Variants in DSN1 observed in about 807,000 individuals in gnomAD.
DSN1 encodes the protein kinetochore-associated protein DSN1 homolog.
In DSN1, 31 loss-of-function variants were observed where a neutral mutation model predicts 45.7. The observed-to-expected ratio is 0.68, with a 90% CI of 0.51 to 0.92. The LOEUF (loss-of-function observed/expected upper bound fraction) is 0.92. Among genes scored for constraint, DSN1 ranks in the 40% least tolerant of loss-of-function variants. DSN1 has a pLI of 0.00. For missense variants in DSN1, 394 were observed against 414.2 expected, an observed-to-expected ratio of 0.95 and a Z score of 0.42; for synonymous variants, 134 against 142.3, an observed-to-expected ratio of 0.94 and a Z score of 0.41.
Position 36,773,755 on chromosome 20 carries a change from G to A in DSN1, c.-109C>T. On this transcript the variant is annotated 5_prime_UTR_variant, in exon 1 of 11. Transcript: ENST00000373750. ...GCCGATACTCCCTGATCAGGGTGAAGCGGTCTCCACCTTCTACGTCACGGT... is the reference window on the plus strand; with the variant it reads ...GCCGATACTCCCTGATCAGGGTGAAACGGTCTCCACCTTCTACGTCACGGT... The A allele has an allele frequency of 2.0e-6, 2 of 985,522 alleles. No homozygotes were observed. Among genetic ancestry groups the A allele is most frequent in the Non-Finnish European group, 2.4e-6 (2 of 829,986 alleles). 61.0% of individuals were successfully genotyped at this position (985,522 alleles called of 1,614,324 possible).
In DSN1 at chr20:36,755,265, C is replaced by T. The variant is rs556929489; in HGVS notation, c.874-415G>A. Among the ~76,000 whole-genome samples the T allele has an allele frequency of 4.3e-3, 656 of 152,214 alleles. 3 individuals are homozygous for T. The highest frequency in any genetic ancestry group is 6.4e-3 in the Non-Finnish European group (435 of 68,014). The stretch of plus-strand genomic sequence containing the variant: ...CCCTTGTGGTTCTCCAATACCCATA[C>T]CTTTCTATTTAGCCTTTCTGAAAAT... On this transcript the variant is annotated intron_variant, in intron 9 of 10. Coordinates refer to ENST00000373750, the MANE Select transcript of DSN1 (RefSeq NM_001145315.2).
At chr20:36,765,365 G>A (rs1285626007) in intron 5 of DSN1, among the ~76,000 whole-genome samples, 1 of 151,156 alleles carries the variant, frequency 6.6e-6, no homozygotes, top group Non-Finnish European at 1.5e-5. Flanking sequence ...AGACCAGCCT[G>A]ACCAACATGG....
chr20:36,767,344 A>G (rs1987401034), intron 4 of DSN1, among the ~76,000 whole-genome samples: 2 of 151,776 alleles, frequency 1.3e-5, no homozygotes, highest in Admixed American at 1.3e-4. Context: ...AAAACAAAAG[A>G]CTTTTTGTTG....
At position 36,771,162 on chromosome 20, in the gene DSN1, A is replaced by T; in HGVS notation, c.66T>A (p.Asp22Glu). The change falls in exon 3 of 11, where the codon GAT (aspartate) becomes GAA (glutamate). Residue 22 changes from aspartate (D) to glutamate (E), a missense_variant. By Grantham distance (45) the Asp-to-Glu change is conservative. Coordinates refer to ENST00000373750, the MANE Select transcript of DSN1 (RefSeq NM_001145315.2). ...EKGPVMSKTHDHQLESSLSPV... is the reference protein window; with the variant it reads ...EKGPVMSKTHEHQLESSLSPV... ...GACTGAGACTTGATTCCAATTGATGATCATGAGTCTTAGACATCACTGGTC... is the reference window on the plus strand; with the variant it reads ...GACTGAGACTTGATTCCAATTGATGTTCATGAGTCTTAGACATCACTGGTC... 1 of 1,613,232 alleles carries T rather than the reference A, an allele frequency of 6.2e-7. No individual in the cohort carries two copies. The highest frequency in any genetic ancestry group is 8.5e-7 in the Non-Finnish European group (1 of 1,179,472).
chr20:36,758,229 ATAAG>A, intron 7 of DSN1, 68 bp from the exon 8 acceptor site: 2 of 1,404,192 alleles, frequency 1.4e-6, no homozygotes, highest in Non-Finnish European at 2.0e-6. Context: ...CACAGTAACA[ATAAG>A]TATGTGAGGT....
chr20:36,760,281 T>A (rs558684320), intron 6 of DSN1, among the ~76,000 whole-genome samples: 6 of 152,208 alleles, frequency 3.9e-5, no homozygotes, highest in African/African-American at 1.2e-4. Context: ...AACAACTCTG[T>A]GACTCTCTAC....
intron 5 of DSN1, among the ~76,000 whole-genome samples, chr20:36,765,416 G>A (rs1472255936): frequency 3.9e-5 from 6 of 151,994 alleles, no homozygotes; most frequent in Non-Finnish European, 8.8e-5. Flanking sequence ...TTAGCCCGGC[G>A]TGGTGGCACA....
At chr20:36,757,992 G>T in intron 8 of DSN1, 95 bp downstream of exon 8, 2 of 1,177,758 alleles carry the variant, frequency 1.7e-6, no homozygotes, top group Non-Finnish European at 2.5e-6. Flanking sequence ...CCGTGAGAAA[G>T]GATTCATCTT....
intron 6 of DSN1, among the ~76,000 whole-genome samples, chr20:36,761,974 A>G (rs930309500): frequency 2.0e-5 from 3 of 151,964 alleles, no homozygotes; most frequent in African/African-American, 7.3e-5. Flanking sequence ...GCACCATTGC[A>G]CTCCAGCCTG....
At chr20:36,764,160 A>G (rs1046355522) in intron 5 of DSN1, among the ~76,000 whole-genome samples, 2 of 151,850 alleles carry the variant, frequency 1.3e-5, no homozygotes, top group African/African-American at 4.8e-5. Flanking sequence ...GATCAAGGCT[A>G]CAGTTAACTG....
At chr20:36,760,311 A>C (rs1185047485) in intron 6 of DSN1, among the ~76,000 whole-genome samples, 2 of 152,168 alleles carry the variant, frequency 1.3e-5, no homozygotes, top group Non-Finnish European at 2.9e-5. Context: ...AAGAAAAGTC[A>C]AAACTCCTTA....
At chr20:36,769,617 T>A (rs917026976) in intron 3 of DSN1, among the ~76,000 whole-genome samples, 2 of 152,174 alleles carry the variant, frequency 1.3e-5, no homozygotes, top group African/African-American at 2.4e-5. Context: ...ACCTTAAAAC[T>A]AATCACAGTA....
At chr20:36,753,989 A>C (rs1986527646) in intron 10 of DSN1, among the ~76,000 whole-genome samples, 1 of 151,438 alleles carries the variant, frequency 6.6e-6, no homozygotes, top group Non-Finnish European at 1.5e-5. Context: ...CTGGGCAACA[A>C]GAGTGAAACT....
chr20:36,763,055 TTA>T (rs1601013945), intron 5 of DSN1, among the ~76,000 whole-genome samples: 1 of 152,318 alleles, frequency 6.6e-6, no homozygotes, highest in East Asian at 1.9e-4. Flanking sequence ...TGCCCAGCCT[TTA>T]TGACATTTAT....
rs755746357 is a variant in DSN1 at position 36,767,971 on chromosome 20, G to C, written c.427C>G (p.Gln143Glu). Residue 143 changes from glutamine (Q) to glutamate (E), a missense_variant and splice_region_variant, in exon 4 of 11, where the codon CAG becomes GAG. Physicochemically the swap from Gln to Glu is conservative, Grantham distance 29. Coordinates refer to ENST00000373750, the MANE Select transcript of DSN1 (RefSeq NM_001145315.2). ...TTTCCTAGTTATAAGAACCTTACCT[G>C]GAAACTGGAAAGCAGGAGACAGCCA... ...RLGCLLLSSF[Q>E]FSIQKLEPFL... 4.8e-5 allele frequency: 77 copies of C among 1,613,822 alleles called. No homozygotes were observed. Among genetic ancestry groups the C allele is most frequent in the Non-Finnish European group, 6.0e-5 (71 of 1,179,944 alleles).
chr20:36,753,367 GCCTGTAATC>G (rs577056835), intron 10 of DSN1, among the ~76,000 whole-genome samples: 4 of 149,900 alleles, frequency 2.7e-5, no homozygotes, highest in Non-Finnish European at 4.4e-5. Context: ...GGTGGCTCAT[GCCTGTAATC>G]CCTGTAATCC....
intron 8 of DSN1, 148 bp downstream of exon 8, chr20:36,757,937 CAG>C (rs1325918483): frequency 1.0e-5 from 7 of 690,978 alleles, no homozygotes; most frequent in South Asian, 1.9e-5. Flanking sequence ...CGTTTCTGGT[CAG>C]AGAGTGCTAA....
At chr20:36,773,370 C>T in intron 1 of DSN1, 2 of 985,516 alleles carry the variant, frequency 2.0e-6, no homozygotes, top group Non-Finnish European at 1.2e-6. Flanking sequence ...CAATTCGAAC[C>T]CCAGCCCTCT....
At chr20:36,761,962 T>C (rs1987005677) in intron 6 of DSN1, among the ~76,000 whole-genome samples, 1 of 151,552 alleles carries the variant, frequency 6.6e-6, no homozygotes, top group Admixed American at 6.6e-5. Context: ...TAAGCCAAGA[T>C]TGCACCATTG....
Sources: allele counts gnomAD v4.1 joint callset (sites outside exome capture counted in the v4.1 genomes callset), GRCh38; gene constraint gnomAD v4.1.1; transcripts MANE v1.5; gene names NCBI Gene and HGNC (gene_info 2026-07-23, HGNC 2026-07-21).